The following AOPEP variants were observed in gnomAD, a reference collection of about 807,000 sequenced individuals.
AOPEP encodes the protein aminopeptidase O.
A neutral mutation model predicts 98.1 loss-of-function variants in AOPEP; 77 were observed. The observed-to-expected ratio is 0.78, with a 90% CI of 0.65 to 0.95. The LOEUF is 0.95. Ranked by LOEUF, AOPEP falls within the 40% of genes least tolerant of loss-of-function variation. AOPEP has a pLI of 0.00. For synonymous variants in AOPEP, 346 were observed against 365.3 expected, an observed-to-expected ratio of 0.95 and a Z score of 0.60; for missense variants, 1,024 against 1,024.7, an observed-to-expected ratio of 1.00 and a Z score of 0.01.
chr9:94,855,144 C>A (rs1024837222), intron 5 of AOPEP, among the ~76,000 whole-genome samples: 9 of 152,090 alleles, frequency 5.9e-5, no homozygotes, highest in African/African-American at 2.2e-4. Flanking sequence ...ATGGTATAAT[C>A]TCGGCTCACC....
At chr9:94,964,890 T>C (rs1484869216) in intron 9 of AOPEP, among the ~76,000 whole-genome samples, 3 of 152,082 alleles carry the variant, frequency 2.0e-5, no homozygotes, top group African/African-American at 7.2e-5. Flanking sequence ...CTGCCCGCCT[T>C]GGCCTCCCAA....
intron 13 of AOPEP, among the ~76,000 whole-genome samples, chr9:95,055,619 G>A (rs977658508): frequency 2.6e-5 from 4 of 152,208 alleles, no homozygotes; most frequent in African/African-American, 7.2e-5. Context: ...GACTGAAGGG[G>A]CAACCTGAGG....
the AOPEP span, among the ~76,000 whole-genome samples, chr9:95,117,084 T>C: frequency 2.6e-5 from 4 of 152,304 alleles, no homozygotes; most frequent in East Asian, 1.9e-4. Flanking sequence ...CCAGAGGCCA[T>C]TGTTTTTTTG....
chr9:94,798,683 C>T (rs2584803), intron 4 of AOPEP, among the ~76,000 whole-genome samples: 33,285 of 152,092 alleles, frequency 0.22, 5,127 homozygotes, highest in African/African-American at 0.43. Flanking sequence ...TGGTTTAACA[C>T]GATCTGAAAG....
chr9:95,083,549 GCA>G (rs1428377474), intron 16 of AOPEP, among the ~76,000 whole-genome samples: 2 of 144,212 alleles, frequency 1.4e-5, no homozygotes, highest in African/African-American at 2.6e-5. Context: ...AGTACACGCG[GCA>G]CACACACCAC....
At chr9:94,786,046 C>A (rs1844357870) in intron 3 of AOPEP, among the ~76,000 whole-genome samples, 1 of 152,216 alleles carries the variant, frequency 6.6e-6, no homozygotes, top group South Asian at 2.1e-4. Context: ...ATACCTTCAG[C>A]ATTCTTTGCC....
chr9:94,798,393 G>T (rs1431153248), intron 4 of AOPEP, among the ~76,000 whole-genome samples: 6 of 152,170 alleles, frequency 3.9e-5, no homozygotes, highest in African/African-American at 1.4e-4. Context: ...ATTGGAAAAG[G>T]ATATGAGAGA....
chr9:94,774,722 G>T (rs1169662259), intron 3 of AOPEP, among the ~76,000 whole-genome samples: 1 of 152,002 alleles, frequency 6.6e-6, no homozygotes, highest in Non-Finnish European at 1.5e-5. Flanking sequence ...TATAAAATTA[G>T]AATTACTGAG....
intron 13 of AOPEP, among the ~76,000 whole-genome samples, chr9:95,037,986 T>C (rs559570283): frequency 3.9e-5 from 6 of 152,074 alleles, no homozygotes; most frequent in Admixed American, 3.9e-4. Context: ...AGGTGCTCGG[T>C]GTGGGAAATA....
At chr9:94,760,913 G>C (rs1564085044) in intron 2 of AOPEP, among the ~76,000 whole-genome samples, 1 of 152,210 alleles carries the variant, frequency 6.6e-6, no homozygotes, top group African/African-American at 2.4e-5. Flanking sequence ...GTAGATGGGA[G>C]TGATACGTCT....
chr9:95,111,718 C>A, the AOPEP span: 1 of 1,545,512 alleles, frequency 6.5e-7, no homozygotes, highest in Non-Finnish European at 8.9e-7. Flanking sequence ...TTAACGTTTG[C>A]CAACGGTTGG....
At chr9:94,860,892 G>A (rs1460478705) in intron 5 of AOPEP, among the ~76,000 whole-genome samples, 2 of 152,170 alleles carry the variant, frequency 1.3e-5, no homozygotes, top group Admixed American at 6.5e-5. Context: ...ATAATTGACC[G>A]TTGAGTCAGG....
intron 4 of AOPEP, among the ~76,000 whole-genome samples, chr9:94,799,455 A>G (rs1847751221): frequency 6.6e-6 from 1 of 151,570 alleles, no homozygotes; most frequent in South Asian, 2.1e-4. Flanking sequence ...CTGTAGTCCT[A>G]GCTACTCAGG....
intron 5 of AOPEP, among the ~76,000 whole-genome samples, chr9:94,838,693 C>A (rs991269047): frequency 6.6e-6 from 1 of 152,166 alleles, no homozygotes; most frequent in African/African-American, 2.4e-5. Context: ...GACATCTTGA[C>A]CATGGTTATT....
intron 13 of AOPEP, among the ~76,000 whole-genome samples, chr9:95,016,133 T>C (rs1369127628): frequency 6.6e-6 from 1 of 152,046 alleles, no homozygotes; most frequent in Non-Finnish European, 1.5e-5. Context: ...ATTAAGCTTT[T>C]TTTTTTTTTC....
intron 1 of AOPEP, among the ~76,000 whole-genome samples, chr9:94,741,068 C>G (rs907326551): frequency 6.6e-6 from 1 of 151,832 alleles, no homozygotes; most frequent in Non-Finnish European, 1.5e-5. Context: ...AAGTGTTTCT[C>G]TGTTGGGTTG....
chr9:94,912,874 C>T (rs1345882583), intron 5 of AOPEP, among the ~76,000 whole-genome samples: 1 of 152,232 alleles, frequency 6.6e-6, no homozygotes, highest in Non-Finnish European at 1.5e-5. Context: ...AGTCCTCCAG[C>T]TCCCGCTGCA....
chr9:94,829,022 C>T (rs1421642729), intron 5 of AOPEP, among the ~76,000 whole-genome samples: 1 of 151,896 alleles, frequency 6.6e-6, no homozygotes, highest in Non-Finnish European at 1.5e-5. Context: ...GCGCGGGGCA[C>T]CACACCTGGC....
downstream of AOPEP, among the ~76,000 whole-genome samples, chr9:95,088,530 GCTTT>G (rs542779875): frequency 2.2e-3 from 334 of 151,472 alleles, 1 homozygote; most frequent in African/African-American, 7.6e-3. Context: ...CTCTCTCTGC[GCTTT>G]CTAAGTGTGT....
Sources: gnomAD v4.1 joint callset for allele counts (sites outside exome capture counted in the v4.1 genomes callset) on GRCh38, gnomAD v4.1.1 for gene constraint, MANE v1.5 for transcripts, NCBI Gene and HGNC (gene_info 2026-07-23, HGNC 2026-07-21) for gene names.